Variants in ZFHX3 observed in about 807,000 individuals in gnomAD.
ZFHX3 encodes the protein zinc finger homeobox protein 3.
ZFHX3 carries 42 observed loss-of-function variants against 279.1 expected under a neutral mutation model. The ratio of observed to expected loss-of-function variants is 0.15; its 90% CI spans 0.12 to 0.19. ZFHX3 has a LOEUF of 0.19. Ranked by LOEUF, ZFHX3 falls within the 10% of genes least tolerant of loss-of-function variation. ZFHX3 has a pLI of 1.00. For synonymous variants in ZFHX3, 2,293 were observed against 1,957.8 expected, an observed-to-expected ratio of 1.17 and a Z score of -4.52; for missense variants, 4,981 against 4,754.0, an observed-to-expected ratio of 1.05 and a Z score of -1.40.
At chr16:73,753,166 C>T (rs2053776175) in intron 1 of ZFHX3, among the ~76,000 whole-genome samples, 1 of 152,146 alleles carries the variant, frequency 6.6e-6, no homozygotes, top group Non-Finnish European at 1.5e-5. Context: ...TACATTCAGG[C>T]ATGAGTTACA....
Position 73,645,088 on chromosome 16 carries a change from T to TA in ZFHX3, c.-1547+35091dup, listed in dbSNP as rs1049367381. Reference sequence around the variant, plus strand: ...ATTTGCCAGAGCATCTCATGGGACTTACAGTGATGGATTTTAGTCAAGCAA... The same window carrying TA: ...ATTTGCCAGAGCATCTCATGGGACTTAACAGTGATGGATTTTAGTCAAGCAA... On this transcript the variant is annotated intron_variant, in intron 2 of 17. Coordinates refer to the ZFHX3 transcript ENST00000641206. Among the ~76,000 whole-genome samples, 25 of 152,298 alleles carry TA rather than the reference T, an allele frequency of 1.6e-4. 2 individuals are homozygous for TA. Among genetic ancestry groups the TA allele is most frequent in the Admixed American group, 1.6e-3 (25 of 15,302 alleles).
At chr16:72,956,305 G>C (rs936906006) in intron 2 of ZFHX3, among the ~76,000 whole-genome samples, 2 of 152,180 alleles carry the variant, frequency 1.3e-5, no homozygotes, top group African/African-American at 2.4e-5. Context: ...CTATTCCCAT[G>C]TCAATAATGG....
chr16:73,746,820 A>G (rs1455729658), intron 1 of ZFHX3, among the ~76,000 whole-genome samples: 5 of 152,218 alleles, frequency 3.3e-5, no homozygotes, highest in African/African-American at 1.2e-4. Context: ...CCATATATTT[A>G]ATTACCCAGA....
intron 1 of ZFHX3, among the ~76,000 whole-genome samples, chr16:73,036,196 G>GCA (rs1597119725): frequency 6.6e-6 from 1 of 152,216 alleles, no homozygotes; most frequent in African/African-American, 2.4e-5. Context: ...GGAGGAAGGT[G>GCA]CAGGCAGCAC....
intron 3 of ZFHX3, among the ~76,000 whole-genome samples, chr16:73,414,531 G>A (rs779762970): frequency 2.5e-4 from 38 of 152,206 alleles, no homozygotes; most frequent in Non-Finnish European, 4.6e-4. Context: ...TTATTACAGT[G>A]ATATTTCAAA....
chr16:73,863,255 T>C (rs1284023548), intron 1 of ZFHX3, among the ~76,000 whole-genome samples: 1 of 152,042 alleles, frequency 6.6e-6, no homozygotes, highest in Non-Finnish European at 1.5e-5. Context: ...AAGCAGTCCC[T>C]AGAGGAATGG....
intron 3 of ZFHX3, among the ~76,000 whole-genome samples, chr16:72,902,623 T>TA (rs1353921221): frequency 6.6e-6 from 1 of 152,224 alleles, no homozygotes; most frequent in Non-Finnish European, 1.5e-5. Context: ...CTGCTTTCCT[T>TA]AATTGTCCAG....
chr16:73,270,697 T>C (rs1011790025), intron 4 of ZFHX3, among the ~76,000 whole-genome samples: 1 of 152,174 alleles, frequency 6.6e-6, no homozygotes, highest in Non-Finnish European at 1.5e-5. Context: ...AGCGGTCCCC[T>C]ATCAGGCTGC....
At chr16:73,414,810 T>C (rs1387904019) in intron 3 of ZFHX3, among the ~76,000 whole-genome samples, 2 of 152,176 alleles carry the variant, frequency 1.3e-5, no homozygotes, top group Admixed American at 1.3e-4. Context: ...CACTTTAGAC[T>C]GGGTGATAGA....
intron 1 of ZFHX3, among the ~76,000 whole-genome samples, chr16:72,984,817 C>G (rs1440896852): frequency 4.6e-5 from 7 of 151,816 alleles, no homozygotes; most frequent in Non-Finnish European, 8.8e-5. Context: ...CACCCCAGGC[C>G]TCAACAGAAT....
chr16:73,551,265 A>G (rs2020200032), intron 2 of ZFHX3, among the ~76,000 whole-genome samples: 1 of 152,202 alleles, frequency 6.6e-6, no homozygotes, highest in Non-Finnish European at 1.5e-5. Context: ...AGTGGCCCCC[A>G]CACTCAAAAA....
chr16:73,046,919 C>T (rs962846139), intron 1 of ZFHX3, among the ~76,000 whole-genome samples: 1 of 152,042 alleles, frequency 6.6e-6, no homozygotes, highest in Admixed American at 6.6e-5. Context: ...GGATGACCCT[C>T]CTGGATTCAC....
At chr16:73,049,718 G>C (rs995293970), upstream of ZFHX3, among the ~76,000 whole-genome samples, 4 of 152,182 alleles carry the variant, frequency 2.6e-5, no homozygotes, top group African/African-American at 9.7e-5. Flanking sequence ...GGGGCCGGGT[G>C]GGGGGAGTTA....
chr16:73,884,408 T>C (rs1489819653), intron 1 of ZFHX3, among the ~76,000 whole-genome samples: 4 of 152,218 alleles, frequency 2.6e-5, no homozygotes, highest in Non-Finnish European at 5.9e-5. Flanking sequence ...AGGATATCTT[T>C]AAGACAACAT....
intron 1 of ZFHX3, among the ~76,000 whole-genome samples, chr16:73,795,327 C>T (rs1407162775): frequency 6.6e-6 from 1 of 152,200 alleles, no homozygotes; most frequent in Non-Finnish European, 1.5e-5. Context: ...TTGAGGACCC[C>T]TCTTGCTCAG....
At chr16:73,455,902 A>G (rs2018363171) in intron 3 of ZFHX3, 1 of 151,954 alleles carries the variant, frequency 6.6e-6, no homozygotes, top group South Asian at 2.1e-4. Context: ...ATGCACTACT[A>G]TCCAGGTGCT....
chr16:72,857,402 C>T (rs2037779443), intron 4 of ZFHX3, among the ~76,000 whole-genome samples: 1 of 152,180 alleles, frequency 6.6e-6, no homozygotes, highest in Admixed American at 6.5e-5. Context: ...AAAATAAAGA[C>T]TAAGCTGAGT....
At position 73,550,533 on chromosome 16, in the gene ZFHX3, T is replaced by C. The variant is rs573538698; in HGVS notation, c.-1546-94275A>G. Reference sequence around the variant, plus strand: ...ACAGAACTAAAACTAGTTTTAATGTTCCAGCGTCAAAGGGAGAAAAACAAG... The same window carrying C: ...ACAGAACTAAAACTAGTTTTAATGTCCCAGCGTCAAAGGGAGAAAAACAAG... On this transcript the variant is annotated intron_variant, in intron 2 of 17. Coordinates refer to the ZFHX3 transcript ENST00000641206. 2.9e-4 allele frequency among the ~76,000 whole-genome samples: 44 copies of C among 152,312 alleles called. 2 individuals are homozygous for C. The highest frequency in any genetic ancestry group is 1.0e-3 in the African/African-American group (43 of 41,580).
intron 5 of ZFHX3, among the ~76,000 whole-genome samples, chr16:72,825,409 A>C (rs988500928): frequency 2.6e-5 from 4 of 152,234 alleles, no homozygotes; most frequent in African/African-American, 9.6e-5. Context: ...TCTCTGAGAG[A>C]TGGTATATTG....
Sources: gnomAD v4.1 joint callset for allele counts (sites outside exome capture counted in the v4.1 genomes callset) on GRCh38, gnomAD v4.1.1 for gene constraint, MANE v1.5 for transcripts, NCBI Gene and HGNC (gene_info 2026-07-23, HGNC 2026-07-21) for gene names.